Variants in PRIMPOL observed in about 807,000 individuals in gnomAD.
PRIMPOL encodes DNA-directed primase/polymerase protein.
Under a neutral mutation model 63.6 loss-of-function variants are expected in PRIMPOL, and 54 were observed. The ratio of observed to expected loss-of-function variants is 0.85; its 90% CI spans 0.68 to 1.07. The LOEUF is 1.07. Ranked by LOEUF, PRIMPOL falls within the 50% of genes least tolerant of loss-of-function variation. The pLI, the probability that PRIMPOL is intolerant of heterozygous loss-of-function variation, is 0.00. For synonymous variants in PRIMPOL, 197 were observed against 220.2 expected (o/e 0.89, Z 0.93); for missense variants, 610 against 648.3 (o/e 0.94, Z 0.64).
chr4:184,659,396 T>C lies in PRIMPOL; in HGVS notation c.237T>C (p.Leu79=). The C allele has an allele frequency of 1.2e-6, 2 of 1,614,002 alleles. No individual in the cohort carries two copies. The highest frequency in any genetic ancestry group is 1.7e-6 in the Non-Finnish European group (2 of 1,179,878). ...CKVGDGQRIY[L]VTTYAEFWFY... ...TAGGAGATGGACAACGTATTTACCT[T>C]GTGACAACCTATGCTGAATTTTGGT... Residue 79 remains leucine, a synonymous_variant, in exon 4 of 14, where the codon CTT becomes CTC. Transcript: ENST00000314970.
chr4:184,651,952 AT>A (rs1352397409), intron 1 of PRIMPOL, 70 bp from the exon 2 acceptor site: 1 of 152,378 alleles, frequency 6.6e-6, no homozygotes, highest in African/African-American at 2.4e-5. Flanking sequence ...CCAGCCAAAC[AT>A]TTTAATTATA....
Position 184,659,533 on chromosome 4 carries a change from A to G in PRIMPOL, c.278+96A>G, listed in dbSNP as rs1001292477. On this transcript the variant is annotated intron_variant, in intron 4 of 13. Transcript: ENST00000314970. ...ATTAGTTCAGGCTGAATTGGCTTCC[A>G]CAGTTCGTGACCACACTATTAGTTG... The G allele has an allele frequency of 2.1e-4, 175 of 844,624 alleles. 1 individual carries two copies. In the Middle Eastern group the frequency reaches 5.5e-3, roughly 26 times the overall value. 52.3% of individuals were successfully genotyped at this position (844,624 alleles called of 1,614,324 possible).
intron 5 of PRIMPOL, among the ~76,000 whole-genome samples, chr4:184,665,268 A>T (rs1022099870): frequency 1.3e-5 from 2 of 152,118 alleles, no homozygotes; most frequent in African/African-American, 4.8e-5. Context: ...AGCAGCTGGG[A>T]AATGTTAAGG....
chr4:184,677,252 G>A (rs1014843164), intron 7 of PRIMPOL, among the ~76,000 whole-genome samples: 1 of 151,888 alleles, frequency 6.6e-6, no homozygotes, highest in African/African-American at 2.4e-5. Context: ...ACAAGCCACT[G>A]CACCTGGCGT....
chr4:184,671,469 C>T (rs924091107), intron 6 of PRIMPOL, among the ~76,000 whole-genome samples: 3 of 151,974 alleles, frequency 2.0e-5, no homozygotes, highest in Non-Finnish European at 2.9e-5. Context: ...TTTATGATCT[C>T]TTAAGGGCAC....
At chr4:184,672,113 G>A in intron 6 of PRIMPOL, 60 bp from the exon 7 acceptor site, 3 of 1,408,242 alleles carry the variant, frequency 2.1e-6, no homozygotes, top group Non-Finnish European at 2.9e-6. Context: ...TTCCTGGCTA[G>A]ACCTTAAGAT....
intron 6 of PRIMPOL, among the ~76,000 whole-genome samples, chr4:184,667,548 G>A (rs1750394352): frequency 6.6e-6 from 1 of 152,190 alleles, no homozygotes; most frequent in Admixed American, 6.5e-5. Flanking sequence ...CTGACCTTGT[G>A]ATCTGCCCGC....
At chr4:184,677,754 G>A (rs936286272) in intron 7 of PRIMPOL, among the ~76,000 whole-genome samples, 1 of 152,112 alleles carries the variant, frequency 6.6e-6, no homozygotes, top group Non-Finnish European at 1.5e-5. Flanking sequence ...ATAATATTGA[G>A]TCTTCCAATC....
At chr4:184,673,869 T>G (rs1184489097) in intron 7 of PRIMPOL, among the ~76,000 whole-genome samples, 1 of 152,116 alleles carries the variant, frequency 6.6e-6, no homozygotes, top group Non-Finnish European at 1.5e-5. Flanking sequence ...GGATTGCATG[T>G]TTTTCTAGCA....
intron 6 of PRIMPOL, among the ~76,000 whole-genome samples, chr4:184,669,500 G>A (rs1306611313): frequency 2.0e-5 from 3 of 152,208 alleles, no homozygotes; most frequent in South Asian, 2.1e-4. Flanking sequence ...TTTGCTTGCC[G>A]TGTACTGGTC....
intron 5 of PRIMPOL, among the ~76,000 whole-genome samples, chr4:184,665,153 C>T (rs1001907678): frequency 6.6e-5 from 10 of 152,204 alleles, no homozygotes; most frequent in Non-Finnish European, 8.8e-5. Context: ...CCTAAGGCTG[C>T]ACAACCAAGG....
chr4:184,684,317 G>A (rs1384894783), intron 9 of PRIMPOL, among the ~76,000 whole-genome samples: 2 of 152,006 alleles, frequency 1.3e-5, no homozygotes, highest in African/African-American at 2.4e-5. Context: ...TTAGCAAGGC[G>A]TGGTGTTGCA....
At chr4:184,659,135 G>A (rs1223532744) in intron 3 of PRIMPOL, among the ~76,000 whole-genome samples, 2 of 152,038 alleles carry the variant, frequency 1.3e-5, no homozygotes, top group Admixed American at 6.5e-5. Flanking sequence ...TTCACCTTTT[G>A]TATGAATGAT....
rs2150189592 is a variant in PRIMPOL at position 184,694,186 on chromosome 4, A to ATTTATC, written c.1426-333_1426-328dup. On this transcript the variant is annotated intron_variant, in intron 13 of 13. Coordinates refer to ENST00000314970, the MANE Select transcript of PRIMPOL (RefSeq NM_152683.4). Reference sequence around the variant, plus strand: ...ACTAAGTCCATTGTCAAGATAGCAAATTTATCTTCTGATTTGTCTTCAGCT... The same window carrying ATTTATC: ...ACTAAGTCCATTGTCAAGATAGCAAATTTATCTTTATCTTCTGATTTGTCTTCAGCT... 6 of 1,036,208 alleles carry ATTTATC rather than the reference A, an allele frequency of 5.8e-6. No individual in the cohort carries two copies. In the South Asian group the frequency reaches 2.5e-4, roughly 44 times the overall value. The allele number at this position is 1,036,208 out of a possible 1,614,324, so 64.2% of individuals were successfully genotyped here.
chr4:184,694,489 C>A, intron 13 of PRIMPOL, 33 bp from the exon 14 acceptor site: 3 of 1,595,630 alleles, frequency 1.9e-6, no homozygotes, highest in Non-Finnish European at 2.6e-6. Context: ...ATTTTCCTAT[C>A]CCACTCTCTA....
intron 4 of PRIMPOL, 84 bp from the exon 5 acceptor site, chr4:184,661,690 A>C: frequency 2.2e-6 from 2 of 890,028 alleles, no homozygotes; most frequent in Non-Finnish European, 3.4e-6. Flanking sequence ...TGGGCAACAG[A>C]GCTGACTCAG....
At chr4:184,693,091 G>T (rs752613083) in intron 13 of PRIMPOL, among the ~76,000 whole-genome samples, 1 of 151,978 alleles carries the variant, frequency 6.6e-6, no homozygotes, top group African/African-American at 2.4e-5. Context: ...CAGGTGATGG[G>T]GTTTATATTC....
At position 184,658,578 on chromosome 4, in the gene PRIMPOL, T is replaced by C. The variant is rs149979720; in HGVS notation, c.181-762T>C. On this transcript the variant is annotated intron_variant, in intron 3 of 13. Transcript: ENST00000314970. Reference sequence around the variant, plus strand: ...TTATGGCAGGAGGCATGAGCAGTTATATTTAAACAACTACCGCAGTAATTA... The same window carrying C: ...TTATGGCAGGAGGCATGAGCAGTTACATTTAAACAACTACCGCAGTAATTA... Among the ~76,000 whole-genome samples the C allele has an allele frequency of 2.6e-4, 40 of 152,266 alleles. No individual in the cohort carries two copies. In the East Asian group the frequency reaches 6.6e-3, roughly 25 times the overall value.
Position 184,691,686 on chromosome 4 carries a change from G to A in PRIMPOL, c.1399G>A (p.Val467Ile). ...KSDCFPLPAE[V>I]CLLFLFKEEE... ...TTCAGGTTTCCCATTACCTGCTGAA[G>A]TATGTCTCCTGTTTCTTTTCAAAGA... Residue 467 changes from valine (V) to isoleucine (I), a missense_variant, in exon 13 of 14, where the codon GTA (valine) becomes ATA (isoleucine). Physicochemically the swap from Val to Ile is conservative, Grantham distance 29. Transcript: ENST00000314970. 6.2e-7 allele frequency: 1 copy of A among 1,612,494 alleles called. No homozygotes were observed. The highest frequency in any genetic ancestry group is 8.5e-7 in the Non-Finnish European group (1 of 1,178,860).
Sources: gnomAD v4.1 joint callset for allele counts (sites outside exome capture counted in the v4.1 genomes callset) on GRCh38, gnomAD v4.1.1 for gene constraint, MANE v1.5 for transcripts, NCBI Gene and HGNC (gene_info 2026-07-23, HGNC 2026-07-21) for gene names.